PEX13: variants seen among roughly 807,000 people sequenced by gnomAD.
The protein encoded by PEX13 is peroxisome biogenesis factor 13.
A neutral mutation model predicts 34.5 loss-of-function variants in PEX13; 28 were observed. That is an observed-to-expected ratio of 0.81 (90% CI 0.60 to 1.11). The LOEUF (loss-of-function observed/expected upper bound fraction) is 1.11, where lower values mean the gene tolerates loss of function less well. Among genes scored for constraint, PEX13 ranks in the 50% most tolerant of loss-of-function variants. The pLI, the probability that PEX13 is intolerant of heterozygous loss-of-function variation, is 0.00. For missense variants in PEX13, 550 were observed against 491.0 expected, an observed-to-expected ratio of 1.12 and a Z score of -1.13; for synonymous variants, 177 against 175.1, an observed-to-expected ratio of 1.01 and a Z score of -0.09.
intron 1 of PEX13, among the ~76,000 whole-genome samples, chr2:61,027,356 A>AAC (rs369806426): frequency 0.025 from 3,789 of 150,278 alleles, 53 homozygotes; most frequent in African/African-American, 0.038. Context: ...AAAAAAACAA[A>AAC]ACACACACAC....
At chr2:61,040,332 A>G (rs1366375444) in intron 2 of PEX13, among the ~76,000 whole-genome samples, 1 of 152,200 alleles carries the variant, frequency 6.6e-6, no homozygotes, top group Non-Finnish European at 1.5e-5. Context: ...ACTTGGAACC[A>G]ACCCACATGT....
chr2:61,022,794 G>C (rs1680286510), intron 1 of PEX13, among the ~76,000 whole-genome samples: 1 of 152,128 alleles, frequency 6.6e-6, no homozygotes. Context: ...TTTGAGTCCA[G>C]GAGTTCAAGG....
At chr2:61,046,407 C>T (rs764177612) in intron 3 of PEX13, among the ~76,000 whole-genome samples, 1 of 152,078 alleles carries the variant, frequency 6.6e-6, no homozygotes, top group African/African-American at 2.4e-5. Flanking sequence ...TGACCTTTTC[C>T]TTCACCCTTC....
chr2:61,026,489 A>G (rs1389344439), intron 1 of PEX13, among the ~76,000 whole-genome samples: 1 of 151,600 alleles, frequency 6.6e-6, no homozygotes, highest in African/African-American at 2.4e-5. Context: ...CTGAGATTAC[A>G]GGCGCCCACC....
chr2:61,047,492 A>G (rs1311612657), intron 3 of PEX13, among the ~76,000 whole-genome samples: 1 of 152,198 alleles, frequency 6.6e-6, no homozygotes, highest in African/African-American at 2.4e-5. Flanking sequence ...GCAATTTACT[A>G]TTTTGGATTT....
intron 3 of PEX13, among the ~76,000 whole-genome samples, chr2:61,047,846 G>A (rs903798921): frequency 1.3e-5 from 2 of 152,124 alleles, no homozygotes; most frequent in African/African-American, 4.8e-5. Context: ...TAAAGATATA[G>A]ATAAAATAGG....
intron 1 of PEX13, 61 bp downstream of exon 1, chr2:61,017,912 G>A: frequency 6.8e-7 from 1 of 1,473,782 alleles, no homozygotes; most frequent in South Asian, 1.2e-5. Flanking sequence ...TTGGCAGGAG[G>A]CGGTTGTAGC....
intron 2 of PEX13, among the ~76,000 whole-genome samples, chr2:61,044,297 C>T (rs942304610): frequency 6.6e-6 from 1 of 151,760 alleles, no homozygotes; most frequent in African/African-American, 2.4e-5. Context: ...TGAGACAGGG[C>T]CTCACTCAGT....
At chr2:61,034,380 C>G (rs1007943356) in intron 2 of PEX13, among the ~76,000 whole-genome samples, 13 of 152,226 alleles carry the variant, frequency 8.5e-5, no homozygotes, top group African/African-American at 3.1e-4. Flanking sequence ...CTGCAGCTCC[C>G]AGCAAGATCG....
In PEX13 at chr2:61,048,787, C is replaced by T. The variant is rs760334205; in HGVS notation, c.*17C>T. On this transcript the variant is annotated 3_prime_UTR_variant, in exon 4 of 4. Coordinates refer to ENST00000295030, the MANE Select transcript of PEX13 (RefSeq NM_002618.4). The stretch of plus-strand genomic sequence containing the variant: ...GATCTTTGATATCTTTCATGTTTGC[C>T]TGCAGTTGAACAATACTTTAGAGTA... The T allele has an allele frequency of 8.8e-6, 14 of 1,595,488 alleles. No homozygotes were observed. In the African/African-American group the frequency reaches 1.2e-4, roughly 14 times the overall value.
chr2:61,036,751 A>G (rs964441475), intron 2 of PEX13, among the ~76,000 whole-genome samples: 22 of 152,336 alleles, frequency 1.4e-4, no homozygotes, highest in Middle Eastern at 3.4e-3. Flanking sequence ...CATCATAATG[A>G]ATGACAGGAT....
intron 1 of PEX13, among the ~76,000 whole-genome samples, chr2:61,026,534 G>A (rs564478169): frequency 2.0e-4 from 31 of 151,732 alleles, no homozygotes; most frequent in Middle Eastern, 3.4e-3. Flanking sequence ...TTTTAGTAGA[G>A]ACAGTATTTC....
intron 1 of PEX13, among the ~76,000 whole-genome samples, chr2:61,028,165 C>T (rs80122775): frequency 6.6e-6 from 1 of 152,194 alleles, no homozygotes; most frequent in Non-Finnish European, 1.5e-5. Flanking sequence ...CTAATAGTCA[C>T]CTCCTTAACC....
intron 2 of PEX13, 103 bp downstream of exon 2, chr2:61,032,216 C>G (rs1680464528): frequency 1.2e-6 from 1 of 865,202 alleles, no homozygotes; most frequent in Non-Finnish European, 1.8e-6. Context: ...TTTACTGTTT[C>G]CAGTTATATT....
chr2:61,027,325 T>G, intron 1 of PEX13, among the ~76,000 whole-genome samples: 1 of 140,224 alleles, frequency 7.1e-6, no homozygotes, highest in Non-Finnish European at 1.5e-5. Flanking sequence ...GGTGACAGAG[T>G]GAGACTCTGT....
chr2:61,026,529 G>A (rs766674535), intron 1 of PEX13, among the ~76,000 whole-genome samples: 5 of 151,644 alleles, frequency 3.3e-5, no homozygotes, highest in African/African-American at 1.2e-4. Flanking sequence ...TGTATTTTTA[G>A]TAGAGACAGT....
chr2:61,025,271 A>G (rs1163320173), intron 1 of PEX13, among the ~76,000 whole-genome samples: 15 of 151,854 alleles, frequency 9.9e-5, no homozygotes, highest in Non-Finnish European at 2.9e-5. Flanking sequence ...GGGTTTCACC[A>G]TCTTGGCCAG....
intron 1 of PEX13, chr2:61,018,339 A>G (rs1045476823): frequency 2.6e-6 from 4 of 1,519,962 alleles, no homozygotes; most frequent in Admixed American, 2.1e-5. Flanking sequence ...TACACTTTGC[A>G]TTCTTTTCCA....
At position 61,050,094 on chromosome 2, in the gene PEX13, T is replaced by A. The variant is rs919604492; in HGVS notation, c.*1324T>A. On this transcript the variant is annotated 3_prime_UTR_variant, in exon 4 of 4. Transcript: ENST00000295030. ...ATAGTCTTAGTGCTCTATTGCCATTTAGAATATGATAATCCTCATGCCTTT... is the reference window on the plus strand; with the variant it reads ...ATAGTCTTAGTGCTCTATTGCCATTAAGAATATGATAATCCTCATGCCTTT... 4 of 152,256 alleles carry A rather than the reference T, an allele frequency of 2.6e-5. No individual in the cohort carries two copies. Among genetic ancestry groups the A allele is most frequent in the Non-Finnish European group, 5.9e-5 (4 of 68,018 alleles). The allele number at this position is 152,256 out of a possible 1,614,324, so 9.4% of individuals were successfully genotyped here.
Sources: allele counts gnomAD v4.1 joint callset (sites outside exome capture counted in the v4.1 genomes callset), GRCh38; gene constraint gnomAD v4.1.1; transcripts MANE v1.5; gene names NCBI Gene and HGNC (gene_info 2026-07-23, HGNC 2026-07-21).